SYCP3: variants seen among roughly 807,000 people sequenced by gnomAD.
The protein encoded by SYCP3 is synaptonemal complex protein 3.
Under a neutral mutation model 38.5 loss-of-function variants are expected in SYCP3, and 29 were observed. That is an observed-to-expected ratio of 0.75 (90% CI 0.56 to 1.03). SYCP3 has a LOEUF of 1.03. Ranked by LOEUF, SYCP3 falls within the 50% of genes least tolerant of loss-of-function variation. The probability of loss-of-function intolerance (pLI) is 0.00; values close to 1 mark genes in which losing one functional copy is unlikely to be tolerated. For synonymous variants in SYCP3, 79 were observed against 80.3 expected (o/e 0.98, Z 0.08); for missense variants, 242 against 270.7 (o/e 0.89, Z 0.74).
chr12:101,736,608 A>G (rs765661885), intron 4 of SYCP3, among the ~76,000 whole-genome samples: 1 of 152,148 alleles, frequency 6.6e-6, no homozygotes, highest in Non-Finnish European at 1.5e-5. Context: ...TTAGAGGCTT[A>G]ATTTACACTG....
intron 2 of SYCP3, 160 bp from the exon 3 acceptor site, chr12:101,737,458 T>G: frequency 1.4e-6 from 1 of 740,652 alleles, no homozygotes. Context: ...GCAGGTTAGG[T>G]GAAATTAAAT....
At chr12:101,738,641 C>T (rs144964294) in intron 1 of SYCP3, among the ~76,000 whole-genome samples, 1,938 of 152,258 alleles carry the variant, frequency 0.013, 44 homozygotes, top group African/African-American at 0.045. Flanking sequence ...GAGGCTGAGG[C>T]AGAAGAATCG....
chr12:101,737,453 T>C, intron 2 of SYCP3, 155 bp from the exon 3 acceptor site: 1 of 745,034 alleles, frequency 1.3e-6, no homozygotes, highest in South Asian at 1.7e-5. Flanking sequence ...TCTCTGCAGG[T>C]TAGGTGAAAT....
chr12:101,731,618 G>T lies in SYCP3; in HGVS notation c.502C>A (p.Gln168Lys). The change falls in exon 7 of 9, where the codon CAG becomes AAG. Residue 168 changes from glutamine to lysine, a missense_variant. Transcript: ENST00000392924. ...TTAATTGTTTTCAATCTCTGGCTCT[G>T]AACAATTCTAGATTGTTGAAGAATC... ...QKILQQSRIVQSQRLKTIKQL... is the reference protein window; with the variant it reads ...QKILQQSRIVKSQRLKTIKQL... 1 of 1,606,252 alleles carries T rather than the reference G, an allele frequency of 6.2e-7. No homozygotes were observed. The highest frequency in any genetic ancestry group is 8.5e-7 in the Non-Finnish European group (1 of 1,178,184).
At position 101,735,871 on chromosome 12, in the gene SYCP3, A is replaced by ATAT; in HGVS notation, c.236-828_236-827insATA. 2.6e-3 allele frequency among the ~76,000 whole-genome samples: 191 copies of ATAT among 74,762 alleles called. 8 individuals are homozygous for ATAT. The highest frequency in any genetic ancestry group is 0.011 in the East Asian group (29 of 2,618). 49.0% of individuals were successfully genotyped at this position (74,762 alleles called of 152,430 possible). A position where few individuals can be genotyped will look rare whatever the true frequency, so the allele number is the denominator to read the frequency against. On this transcript the variant is annotated intron_variant, in intron 4 of 8. Transcript: ENST00000392924. ...CAATTTTATATATATATATATATAT[A>ATAT]TTTTTTTTTTTTTAAAGACACGGGG...
rs78169818 is a variant in SYCP3, at chr12:101,739,280, T to C, written c.-18+71A>G. On this transcript the variant is annotated intron_variant, in intron 1 of 8. Coordinates refer to ENST00000392924, the MANE Select transcript of SYCP3 (RefSeq NM_001177949.2). The stretch of plus-strand genomic sequence containing the variant: ...CCCCAGGCGACGCCAGGAGGTAAGA[T>C]TTACCTCACTGGTCAAGGGCAGCCT... 17,049 of 1,002,044 alleles carry C rather than the reference T, an allele frequency of 0.017. 228 individuals carry two copies. The highest frequency in any genetic ancestry group is 0.06 in the African/African-American group (3,428 of 57,362). The allele number at this position is 1,002,044 out of a possible 1,614,324, so 62.1% of individuals were successfully genotyped here. A position where few individuals can be genotyped will look rare whatever the true frequency, so the allele number is the denominator to read the frequency against.
intron 4 of SYCP3, 139 bp from the exon 5 acceptor site, chr12:101,735,183 T>C (rs898939790): frequency 2.1e-5 from 13 of 612,058 alleles, no homozygotes; most frequent in African/African-American, 2.1e-4. Flanking sequence ...TAGGCATAAT[T>C]TCAAAATGCA....
Position 101,734,170 on chromosome 12 carries a change from GTTC to G in SYCP3, c.354-499_354-497del, listed in dbSNP as rs869296111. Among the ~76,000 whole-genome samples, 3 of 152,198 alleles carry G rather than the reference GTTC, an allele frequency of 2.0e-5. No homozygotes were observed. In the East Asian group the frequency reaches 5.8e-4, roughly 29 times the overall value. On this transcript the variant is annotated intron_variant, in intron 5 of 8. Coordinates refer to ENST00000392924, the MANE Select transcript of SYCP3 (RefSeq NM_001177949.2). ...AAATTATATACGATACAAGATTGGT[GTTC>G]TTCTACATTGTTGAACATAATTCAC...
chr12:101,737,883 T>G lies in SYCP3; in HGVS notation c.53A>C (p.Glu18Ala). 1 of 1,614,186 alleles carries G rather than the reference T, an allele frequency of 6.2e-7. No individual in the cohort carries two copies. The highest frequency in any genetic ancestry group is 8.5e-7 in the Non-Finnish European group (1 of 1,180,032). ...GTCATAGGCTCTCGTAAACTGATCTTCCACAGACGGCTTCCCAGATTTCCT... is the reference window on the plus strand; with the variant it reads ...GTCATAGGCTCTCGTAAACTGATCTGCCACAGACGGCTTCCCAGATTTCCT... ...YSRKSGKPSV[E>A]DQFTRAYDFE... The change falls in exon 2 of 9, where the codon GAA (glutamate) becomes GCA (alanine). Residue 18 changes from glutamate (E) to alanine (A), a missense_variant. Transcript: ENST00000392924.
intron 5 of SYCP3, among the ~76,000 whole-genome samples, chr12:101,734,514 T>C (rs1195197080): frequency 1.3e-5 from 2 of 152,226 alleles, no homozygotes; most frequent in Admixed American, 6.5e-5. Flanking sequence ...AGTGAGGTTA[T>C]AGGGCTACAG....
chr12:101,735,871 A>ATATATATATATATATATTTTTT, intron 4 of SYCP3, among the ~76,000 whole-genome samples: 6 of 74,756 alleles, frequency 8.0e-5, no homozygotes, highest in African/African-American at 3.8e-4. Flanking sequence ...ATATATATAT[A>ATATATATATATATATATTTTTT]TTTTTTTTTT....
At chr12:101,735,794 G>T (rs1952388387) in intron 4 of SYCP3, among the ~76,000 whole-genome samples, 2 of 143,812 alleles carry the variant, frequency 1.4e-5, no homozygotes, top group Admixed American at 1.4e-4. Flanking sequence ...CTATTAGAAA[G>T]AATCCAAAAA....
chr12:101,734,941 T>G lies in SYCP3; in HGVS notation c.339A>C (p.Thr113=). 1 of 1,610,366 alleles carries G rather than the reference T, an allele frequency of 6.2e-7. No individual in the cohort carries two copies. Among genetic ancestry groups the G allele is most frequent in the Non-Finnish European group, 8.5e-7 (1 of 1,176,618 alleles). The stretch of plus-strand genomic sequence containing the variant: ...AACCACCTTACCTTTGATCTTGTTG[T>G]GTTTTCCAAACATGTTCAATTTTCT... ...SNQKIEHVWK[T]QQDQRQKLNQ... The change falls in exon 5 of 9, where the codon ACA becomes ACC. Residue 113 remains threonine (T), a synonymous_variant. Transcript: ENST00000392924.
intron 7 of SYCP3, chr12:101,729,717 G>C (rs1356784343): frequency 1.3e-5 from 2 of 152,390 alleles, no homozygotes; most frequent in East Asian, 3.9e-4. Context: ...GTGCTGTAGA[G>C]AAATTAAAAA....
rs1952618902 is a variant in SYCP3 at position 101,739,334 on chromosome 12, G to GC, written c.-18+16dup. The GC allele has an allele frequency of 2.0e-6, 2 of 1,002,814 alleles. No individual in the cohort carries two copies. The highest frequency in any genetic ancestry group is 2.4e-6 in the Non-Finnish European group (2 of 830,372). 62.1% of individuals were successfully genotyped at this position (1,002,814 alleles called of 1,614,324 possible). On this transcript the variant is annotated intron_variant, in intron 1 of 8. Transcript: ENST00000392924. ...GCCTGGACACCTGCGATAGACAGAC[G>GC]CCTCCCCTGCTCACACCTGAAACAC...
intron 2 of SYCP3, 118 bp downstream of exon 2, chr12:101,737,685 C>T (rs939964028): frequency 2.4e-5 from 34 of 1,421,062 alleles, no homozygotes; most frequent in South Asian, 1.5e-4. Flanking sequence ...ACCACAAATA[C>T]CGGGGGAGGG....
intron 2 of SYCP3, 36 bp downstream of exon 2, chr12:101,737,767 G>A (rs1594184067): frequency 6.2e-7 from 1 of 1,613,828 alleles, no homozygotes; most frequent in Non-Finnish European, 8.5e-7. Context: ...CAAATGAACT[G>A]AAGGACATCA....
intron 5 of SYCP3, 119 bp from the exon 6 acceptor site, chr12:101,733,793 C>A: frequency 1.1e-6 from 1 of 890,330 alleles, no homozygotes; most frequent in South Asian, 1.6e-5. Context: ...CAGCTTAAGT[C>A]TTCTGATGGG....
At chr12:101,736,539 A>G (rs893782260) in intron 4 of SYCP3, among the ~76,000 whole-genome samples, 2 of 152,152 alleles carry the variant, frequency 1.3e-5, no homozygotes, top group African/African-American at 4.8e-5. Context: ...ATAAAACTCT[A>G]TCTAGCAAAA....
Sources: gnomAD v4.1 joint callset for allele counts (sites outside exome capture counted in the v4.1 genomes callset) on GRCh38, gnomAD v4.1.1 for gene constraint, MANE v1.5 for transcripts, NCBI Gene and HGNC (gene_info 2026-07-23, HGNC 2026-07-21) for gene names.